PRELID2: variants seen among roughly 807,000 people sequenced by gnomAD.
The protein encoded by PRELID2 is PRELI domain-containing protein 2.
PRELID2 carries 25 observed loss-of-function variants against 28.4 expected under a neutral mutation model. The observed-to-expected ratio is 0.88, with a 90% CI of 0.64 to 1.23. The LOEUF is 1.23. PRELID2 is among the 50% of genes most tolerant of loss of function. The pLI is 0.00. For synonymous variants in PRELID2, 76 were observed against 71.6 expected (o/e 1.06, Z -0.31); for missense variants, 201 against 214.4 (o/e 0.94, Z 0.39).
At chr5:145,654,675 A>T (rs1004165414) in intron 1 of PRELID2, among the ~76,000 whole-genome samples, 1 of 152,198 alleles carries the variant, frequency 6.6e-6, no homozygotes, top group African/African-American at 2.4e-5. Flanking sequence ...AGATGCAGAA[A>T]AGGCCTTTGA....
At chr5:145,342,888 T>A in the PRELID2 span, among the ~76,000 whole-genome samples, 5 of 127,898 alleles carry the variant, frequency 3.9e-5, no homozygotes, top group East Asian at 1.2e-3. Flanking sequence ...AAACCAACTT[T>A]AAGTCAAAAA....
At chr5:145,300,404 T>C in the PRELID2 span, among the ~76,000 whole-genome samples, 2 of 152,112 alleles carry the variant, frequency 1.3e-5, no homozygotes, top group Admixed American at 1.3e-4. Context: ...TAAACCTTTT[T>C]AGTATAAAAA....
chr5:145,378,532 G>A, the PRELID2 span, among the ~76,000 whole-genome samples: 3 of 152,148 alleles, frequency 2.0e-5, no homozygotes, highest in Admixed American at 2.0e-4. Flanking sequence ...ATTTCAGAAA[G>A]CCAGTATTCA....
chr5:145,456,670 G>T, the PRELID2 span, among the ~76,000 whole-genome samples: 1 of 152,090 alleles, frequency 6.6e-6, no homozygotes, highest in Admixed American at 6.5e-5. Context: ...ATAAATAAGT[G>T]ATAATGCTAA....
rs1756684350 is a variant in PRELID2, at chr5:145,740,882, GTACATATATTTATCGATA to G, written n.70+24031_70+24048del. On this transcript the variant is annotated intron_variant and non_coding_transcript_variant, in intron 1 of 2. Transcript: ENST00000510259. ...CATATATTTATCGATAAATATATAT[GTACATATATTTATCGATA>G]AATATATATGTACATATATTTATCG... Among the ~76,000 whole-genome samples, 2 of 93,622 alleles carry G rather than the reference GTACATATATTTATCGATA, an allele frequency of 2.1e-5. 1 individual carries two copies. Among genetic ancestry groups the G allele is most frequent in the Non-Finnish European group, 3.8e-5 (2 of 53,162 alleles). The allele number at this position is 93,622 out of a possible 152,430, so 61.4% of individuals were successfully genotyped here.
intron 5 of PRELID2, among the ~76,000 whole-genome samples, chr5:145,782,531 C>G (rs1434228534): frequency 6.6e-6 from 1 of 152,214 alleles, no homozygotes; most frequent in Non-Finnish European, 1.5e-5. Flanking sequence ...TATATTATAT[C>G]TGGTCTTCCC....
At chr5:145,677,059 G>A (rs984665137) in intron 1 of PRELID2, among the ~76,000 whole-genome samples, 1 of 150,594 alleles carries the variant, frequency 6.6e-6, no homozygotes, top group Non-Finnish European at 1.5e-5. Flanking sequence ...TTAACACGGT[G>A]TAATATTTGA....
At chr5:145,507,355 C>T (rs974231976) in intron 1 of PRELID2, among the ~76,000 whole-genome samples, 3 of 152,058 alleles carry the variant, frequency 2.0e-5, no homozygotes, top group Admixed American at 6.6e-5. Context: ...GGAAAAACTG[C>T]AGATTTGGCC....
At chr5:145,421,453 T>G in the PRELID2 span, among the ~76,000 whole-genome samples, 2 of 150,418 alleles carry the variant, frequency 1.3e-5, no homozygotes, top group African/African-American at 2.4e-5. Flanking sequence ...CTTCCTGGTT[T>G]AGTCTTGGGA....
At chr5:145,543,830 T>C (rs1752764531) in intron 1 of PRELID2, among the ~76,000 whole-genome samples, 1 of 152,074 alleles carries the variant, frequency 6.6e-6, no homozygotes, top group Non-Finnish European at 1.5e-5. Context: ...AAGGCTTCAC[T>C]TTTCTCCCAG....
the PRELID2 span, among the ~76,000 whole-genome samples, chr5:145,465,952 A>T: frequency 6.6e-6 from 1 of 152,132 alleles, no homozygotes; most frequent in Non-Finnish European, 1.5e-5. Context: ...AAGATTTCTG[A>T]CAATCTGACC....
intron 1 of PRELID2, among the ~76,000 whole-genome samples, chr5:145,713,535 G>A (rs1358511273): frequency 7.3e-6 from 1 of 137,388 alleles, no homozygotes; most frequent in Non-Finnish European, 1.5e-5. Context: ...TTTTTAAAGT[G>A]CTTTATATAT....
chr5:145,591,698 T>C (rs2149631400), intron 1 of PRELID2, among the ~76,000 whole-genome samples: 1 of 152,326 alleles, frequency 6.6e-6, no homozygotes, highest in East Asian at 1.9e-4. Context: ...ATAGAAAAGC[T>C]GACCATCCCT....
chr5:145,646,620 G>A (rs932218585), intron 1 of PRELID2, among the ~76,000 whole-genome samples: 5 of 152,156 alleles, frequency 3.3e-5, no homozygotes, highest in Non-Finnish European at 2.9e-5. Flanking sequence ...AGCCGTTCTG[G>A]TTTTTGGAAT....
intron 1 of PRELID2, among the ~76,000 whole-genome samples, chr5:145,498,005 T>G (rs1752323245): frequency 6.6e-6 from 1 of 152,198 alleles, no homozygotes; most frequent in Non-Finnish European, 1.5e-5. Flanking sequence ...AATCCACTGT[T>G]AGGTTAAACT....
rs537423022 is a variant in PRELID2 at position 145,757,446 on chromosome 5, T to C, written c.*3090A>G. ...TTGCCCCAAAGATTTCTGGTACATG[T>C]GAAGTCTGAGAATCACAGGGTAAAT... On this transcript the variant is annotated 3_prime_UTR_variant, in exon 7 of 7. Coordinates refer to ENST00000683046, the MANE Select transcript of PRELID2 (RefSeq NM_205846.3). Among the ~76,000 whole-genome samples, 43 of 152,270 alleles carry C rather than the reference T, an allele frequency of 2.8e-4. No homozygotes were observed. The highest frequency in any genetic ancestry group is 8.9e-4 in the African/African-American group (37 of 41,544).
chr5:145,463,891 A>C, the PRELID2 span, among the ~76,000 whole-genome samples: 1 of 152,228 alleles, frequency 6.6e-6, no homozygotes, highest in African/African-American at 2.4e-5. Context: ...GATAAAAGTT[A>C]CCAAAGCTTT....
chr5:145,808,610 C>T (rs1214157684), intron 4 of PRELID2, among the ~76,000 whole-genome samples: 3 of 151,982 alleles, frequency 2.0e-5, no homozygotes, highest in Non-Finnish European at 2.9e-5. Context: ...GGCGGTCAGG[C>T]GCAGAGACTC....
intron 1 of PRELID2, among the ~76,000 whole-genome samples, chr5:145,588,860 AG>A (rs1753188710): frequency 6.7e-6 from 1 of 149,286 alleles, no homozygotes; most frequent in Admixed American, 6.8e-5. Context: ...ACTGTGTTTT[AG>A]GGTATGCTTT....
Sources: allele counts gnomAD v4.1 joint callset (sites outside exome capture counted in the v4.1 genomes callset), GRCh38; gene constraint gnomAD v4.1.1; transcripts MANE v1.5; gene names NCBI Gene and HGNC (gene_info 2026-07-23, HGNC 2026-07-21).